Variants in ABCA4 observed in about 807,000 individuals in gnomAD.
ABCA4 encodes retinal-specific phospholipid-transporting ATPase ABCA4.
ABCA4 carries 196 observed loss-of-function variants against 263.7 expected under a neutral mutation model. That is an observed-to-expected ratio of 0.74 (90% CI 0.66 to 0.84). The LOEUF is 0.84. ABCA4 is among the 40% of genes least tolerant of loss of function. The pLI is 0.00. For synonymous variants in ABCA4, 1,133 were observed against 1,094.2 expected, an observed-to-expected ratio of 1.04 and a Z score of -0.70; for missense variants, 2,792 against 2,855.1, an observed-to-expected ratio of 0.98 and a Z score of 0.50.
intron 14 of ABCA4, among the ~76,000 whole-genome samples, chr1:94,058,755 G>A (rs552137120): frequency 6.6e-6 from 1 of 152,372 alleles, no homozygotes; most frequent in East Asian, 1.9e-4. Context: ...ACTGACTTAA[G>A]CCAGAGGTGT....
intron 43 of ABCA4, among the ~76,000 whole-genome samples, chr1:94,006,933 T>C (rs557026): frequency 0.87 from 132,839 of 152,314 alleles, 58,277 homozygotes; most frequent in East Asian, 0.99. Flanking sequence ...AAGAGGCAGA[T>C]GAGTGAGAGC....
chr1:94,046,846 C>A, intron 19 of ABCA4, 73 bp downstream of exon 19: 1 of 1,567,532 alleles, frequency 6.4e-7, no homozygotes, highest in South Asian at 1.1e-5. Flanking sequence ...AGTAGACAGC[C>A]GCTGATAGGG....
chr1:94,087,061 G>T (rs1661851762), intron 6 of ABCA4, among the ~76,000 whole-genome samples: 1 of 152,192 alleles, frequency 6.6e-6, no homozygotes, highest in African/African-American at 2.4e-5. Context: ...GGTGGAAGCG[G>T]CAAGCTGGCT....
At chr1:93,996,957 G>A (rs1659022720) in intron 48 of ABCA4, among the ~76,000 whole-genome samples, 1 of 152,182 alleles carries the variant, frequency 6.6e-6, no homozygotes, top group African/African-American at 2.4e-5. Context: ...CTTAGAGACA[G>A]AAAGTAGAAC....
intron 1 of ABCA4, among the ~76,000 whole-genome samples, chr1:94,118,168 G>C (rs573973190): frequency 6.6e-6 from 1 of 152,230 alleles, no homozygotes; most frequent in South Asian, 2.1e-4. Context: ...CAGTACCGGG[G>C]GGATCACAGA....
intron 4 of ABCA4, among the ~76,000 whole-genome samples, chr1:94,104,077 A>C (rs1234493665): frequency 6.6e-6 from 1 of 152,194 alleles, no homozygotes; most frequent in Non-Finnish European, 1.5e-5. Flanking sequence ...CACTCAATAA[A>C]TGCTTATTAT....
rs761380652 is a variant in ABCA4, at chr1:94,060,655, C to T, written c.2042G>A (p.Arg681Gln). Reference protein sequence around the residue: ...VKSIVLEKELRLKETLKNQGV... With the variant: ...VKSIVLEKELQLKETLKNQGV... ...CTGATTTTTCAAGGTCTCCTTCAGT[C>T]GCAACTCCTTCTCCAAGACGATGCT... Residue 681 changes from arginine to glutamine, a missense_variant, in exon 14 of 50, where the codon CGA becomes CAA. Physicochemically the swap from Arg to Gln is conservative, Grantham distance 43 (BLOSUM62 1). Transcript: ENST00000370225. The T allele has an allele frequency of 5.7e-5, 92 of 1,614,002 alleles. No individual in the cohort carries two copies. The highest frequency in any genetic ancestry group is 6.8e-5 in the Non-Finnish European group (80 of 1,180,028).
intron 6 of ABCA4, among the ~76,000 whole-genome samples, chr1:94,093,746 T>G (rs1662038232): frequency 6.6e-6 from 1 of 152,254 alleles, no homozygotes; most frequent in African/African-American, 2.4e-5. Context: ...ATCCAGCCAG[T>G]AGGCTCAATG....
rs112347988 is a variant in ABCA4, at chr1:94,014,837, G to T, written c.5313-147C>A. On this transcript the variant is annotated intron_variant, in intron 37 of 49. Coordinates refer to ENST00000370225, the MANE Select transcript of ABCA4 (RefSeq NM_000350.3). Reference sequence around the variant, plus strand: ...AGGGGACCAGAGAGATACTCCATTTGTTGGTCTCTGTGCCTCAACTTTAAA... The same window carrying T: ...AGGGGACCAGAGAGATACTCCATTTTTTGGTCTCTGTGCCTCAACTTTAAA... 333 of 1,029,208 alleles carry T rather than the reference G, an allele frequency of 3.2e-4. No homozygotes were observed. The African/African-American group carries it at 4.8e-3, about 15-fold the overall frequency. The allele number at this position is 1,029,208 out of a possible 1,614,324, so 63.8% of individuals were successfully genotyped here.
At chr1:94,018,008 C>G (rs573755602) in intron 36 of ABCA4, among the ~76,000 whole-genome samples, 2 of 152,206 alleles carry the variant, frequency 1.3e-5, no homozygotes, top group African/African-American at 4.8e-5. Flanking sequence ...AATGATGGAT[C>G]GCGGAGGTGA....
At chr1:94,113,189 C>T (rs1234280703) in intron 1 of ABCA4, 123 bp from the exon 2 acceptor site, 7 of 884,564 alleles carry the variant, frequency 7.9e-6, no homozygotes, top group Non-Finnish European at 1.3e-5. Context: ...GTTGTGGTAT[C>T]TTTACCTAAA....
At chr1:94,048,722 AG>A in intron 18 of ABCA4, 145 bp downstream of exon 18, 1 of 769,492 alleles carries the variant, frequency 1.3e-6, no homozygotes, top group Non-Finnish European at 2.3e-6. Flanking sequence ...ACCTCTGAGA[AG>A]GGATCTGGTT....
At chr1:94,069,803 G>A (rs924608824) in intron 11 of ABCA4, among the ~76,000 whole-genome samples, 5 of 152,156 alleles carry the variant, frequency 3.3e-5, no homozygotes, top group African/African-American at 1.2e-4. Flanking sequence ...GCTGGGCACC[G>A]CAAACAGACA....
chr1:94,068,336 G>A (rs1661324983), intron 11 of ABCA4, among the ~76,000 whole-genome samples: 1 of 152,192 alleles, frequency 6.6e-6, no homozygotes, highest in South Asian at 2.1e-4. Context: ...TAGAGCAATT[G>A]TAGAAGCTGC....
At position 93,993,057 on chromosome 1, in the gene ABCA4, C is replaced by T. The variant is rs1010255662; in HGVS notation, c.*180G>A. 2.3e-5 allele frequency: 17 copies of T among 735,500 alleles called. No homozygotes were observed. The highest frequency in any genetic ancestry group is 5.5e-5 in the East Asian group (2 of 36,502). The allele number at this position is 735,500 out of a possible 1,614,324, so 45.6% of individuals were successfully genotyped here. On this transcript the variant is annotated 3_prime_UTR_variant, in exon 50 of 50. Coordinates refer to ENST00000370225, the MANE Select transcript of ABCA4 (RefSeq NM_000350.3). ...GTGTTCCAGGTGAGCAAGTCAGTTTCGGTTTCCTTCTGAAAGACCTCTTTC... is the reference window on the plus strand; with the variant it reads ...GTGTTCCAGGTGAGCAAGTCAGTTTTGGTTTCCTTCTGAAAGACCTCTTTC...
intron 13 of ABCA4, 92 bp downstream of exon 13, chr1:94,062,485 T>A: frequency 6.6e-7 from 1 of 1,510,014 alleles, no homozygotes; most frequent in Non-Finnish European, 9.1e-7. Context: ...TCTAAAGACA[T>A]GGAAGCCTTG....
In ABCA4 at chr1:94,067,765, C is replaced by T. The variant is rs111520915; in HGVS notation, c.1555-4448G>A. Among the ~76,000 whole-genome samples the T allele has an allele frequency of 2.3e-4, 35 of 152,290 alleles. No individual in the cohort carries two copies. The South Asian group carries it at 3.3e-3, about 14-fold the overall frequency. ...AGATGCTTGCTGAAGGCTTACTATA[C>T]GGCCAAAACTGGTCCAAGGACTTTA... is the stretch of plus-strand genomic sequence containing the variant. On this transcript the variant is annotated intron_variant, in intron 11 of 49. Transcript: ENST00000370225.
chr1:94,045,871 G>A (rs965143133), intron 19 of ABCA4: 1 of 456,256 alleles, frequency 2.2e-6, no homozygotes, highest in South Asian at 1.5e-5. Flanking sequence ...TGCGAGGTCC[G>A]TGTCTGCTGC....
intron 15 of ABCA4, among the ~76,000 whole-genome samples, chr1:94,055,920 G>A (rs1660966892): frequency 6.6e-6 from 1 of 152,170 alleles, no homozygotes; most frequent in South Asian, 2.1e-4. Flanking sequence ...GACTCCGGAG[G>A]ACAAGGGGAA....
Sources: allele counts gnomAD v4.1 joint callset (sites outside exome capture counted in the v4.1 genomes callset), GRCh38; gene constraint gnomAD v4.1.1; transcripts MANE v1.5; gene names NCBI Gene and HGNC (gene_info 2026-07-23, HGNC 2026-07-21).